RPH3AL: variants seen among roughly 807,000 people sequenced by gnomAD.
RPH3AL encodes rabphilin 3A like (without C2 domains), also known as rab effector Noc2.
In RPH3AL, 38 loss-of-function variants were observed where a neutral mutation model predicts 43.1. That is an observed-to-expected ratio of 0.88 (90% confidence interval 0.68 to 1.15). RPH3AL has a LOEUF of 1.15. Among genes scored for constraint, RPH3AL ranks in the 50% most tolerant of loss-of-function variants. The probability of loss-of-function intolerance (pLI) is 0.00; values close to 1 mark genes in which losing one functional copy is unlikely to be tolerated. For missense variants in RPH3AL, 462 were observed against 423.2 expected (o/e 1.09, Z -0.81); for synonymous variants, 189 against 176.3 (o/e 1.07, Z -0.57).
chr17:215,846 C>A lies in RPH3AL; in HGVS notation c.728-44G>T. The A allele has an allele frequency of 7.7e-7, 1 of 1,298,268 alleles. No individual in the cohort carries two copies. The highest frequency in any genetic ancestry group is 9.8e-7 in the Non-Finnish European group (1 of 1,019,018). The allele number at this position is 1,298,268 out of a possible 1,614,324, so 80.4% of individuals were successfully genotyped here. ...GGGCCCCGTGGATCTCAAACCGAGA[C>A]GGGGTGATCTCAGTCCAGTTCCTCG... is the stretch of plus-strand genomic sequence containing the variant. On this transcript the variant is annotated intron_variant, in intron 8 of 9. Coordinates refer to ENST00000331302, the MANE Select transcript of RPH3AL (RefSeq NM_006987.4). This position sits in a 1 kb window ranked among gnomAD's most constrained non-coding sequence, Gnocchi z 4.1.
intron 7 of RPH3AL, among the ~76,000 whole-genome samples, chr17:231,298 G>C (rs2041224917): frequency 6.6e-6 from 1 of 152,216 alleles, no homozygotes; most frequent in Non-Finnish European, 1.5e-5. Context: ...TGTGGTCAGA[G>C]CTTAGGTTTG....
At position 225,680 on chromosome 17, in the gene RPH3AL, T is replaced by C. The variant is rs1050326526; in HGVS notation, c.614-5944A>G. ...GTCTGCACACCGGTTTCCGCCTCTCTCTGGCAGAGATGCTTATGGGAGGTC... is the reference window on the plus strand; with the variant it reads ...GTCTGCACACCGGTTTCCGCCTCTCCCTGGCAGAGATGCTTATGGGAGGTC... On this transcript the variant is annotated intron_variant, in intron 7 of 9. Transcript: ENST00000331302. This position sits in a 1 kb window ranked among gnomAD's most constrained non-coding sequence, Gnocchi z 4.4. Among the ~76,000 whole-genome samples the C allele has an allele frequency of 6.6e-6, 1 of 152,216 alleles. No individual in the cohort carries two copies. Among genetic ancestry groups the C allele is most frequent in the Non-Finnish European group, 1.5e-5 (1 of 68,038 alleles).
intron 1 of RPH3AL, among the ~76,000 whole-genome samples, chr17:348,044 T>C (rs1331712415): frequency 6.9e-6 from 1 of 145,752 alleles, no homozygotes; most frequent in East Asian, 2.1e-4. Flanking sequence ...AAAATGAGGC[T>C]ACTCTGGGCA....
At chr17:244,849 G>A (rs2041708482) in intron 7 of RPH3AL, among the ~76,000 whole-genome samples, 2 of 152,220 alleles carry the variant, frequency 1.3e-5, no homozygotes, top group Non-Finnish European at 2.9e-5. Context: ...ATGTGTGCGT[G>A]TGGGCAACCG....
At chr17:326,019 G>T (rs1021559001) in intron 3 of RPH3AL, among the ~76,000 whole-genome samples, 5 of 152,238 alleles carry the variant, frequency 3.3e-5, no homozygotes, top group Admixed American at 6.5e-5. Flanking sequence ...AGGTCAGGGA[G>T]AGCTGAAGGG....
At chr17:234,977 A>G (rs952797001) in intron 7 of RPH3AL, among the ~76,000 whole-genome samples, 3 of 152,236 alleles carry the variant, frequency 2.0e-5, no homozygotes, top group Non-Finnish European at 2.9e-5. Context: ...ATCGGCTGGT[A>G]TAAATAGCAT....
chr17:327,506 C>T lies in RPH3AL; in HGVS notation c.38G>A (p.Trp13Ter). 6.2e-7 allele frequency: 1 copy of T among 1,613,988 alleles called. No homozygotes were observed. The highest frequency in any genetic ancestry group is 1.1e-5 in the South Asian group (1 of 91,090). Reference sequence around the variant, plus strand: ...AAGCTGCCGGTCATTGGGGCAAACCCACTGATCATTCCCGCTGCCGAAGAT... The same window carrying T: ...AAGCTGCCGGTCATTGGGGCAAACCTACTGATCATTCCCGCTGCCGAAGAT... The part of the protein sequence containing the change: ...DTIFGSGNDQ[W>*]VCPNDRQLAL... The change falls in exon 3 of 10, where the codon TGG becomes TAG. Residue 13 changes from tryptophan (W) to a stop codon, truncating the protein, a stop_gained. Transcript: ENST00000331302. LOFTEE classifies it high-confidence loss of function.
intron 5 of RPH3AL, among the ~76,000 whole-genome samples, chr17:296,236 G>C (rs2043175614): frequency 1.1e-5 from 1 of 89,206 alleles, no homozygotes; most frequent in Non-Finnish European, 2.2e-5. Flanking sequence ...TGGATGGACA[G>C]AGGGAATGCA....
chr17:280,660 C>T (rs72806016), intron 6 of RPH3AL, among the ~76,000 whole-genome samples: 7,905 of 152,230 alleles, frequency 0.052, 285 homozygotes, highest in Non-Finnish European at 0.079. Flanking sequence ...AGACAACCCA[C>T]GAAACCAATG....
At chr17:331,708 C>T (rs2044772670) in intron 2 of RPH3AL, 2 of 1,288,020 alleles carry the variant, frequency 1.6e-6, no homozygotes, top group Admixed American at 2.3e-5. Context: ...GCCCGGCACC[C>T]CCTTCACCAG....
chr17:313,065 G>C (rs540053382), intron 5 of RPH3AL, among the ~76,000 whole-genome samples: 2 of 152,278 alleles, frequency 1.3e-5, no homozygotes, highest in South Asian at 2.1e-4. Context: ...TGGACCAAGC[G>C]ACCTCTCATT....
At chr17:273,173 GCGCGGGTGACGTCAGGGAGAGACCCCA>G (rs1331889133) in intron 6 of RPH3AL, among the ~76,000 whole-genome samples, 1 of 38,818 alleles carries the variant, frequency 2.6e-5, no homozygotes, top group East Asian at 5.8e-4. Context: ...TGAGACCCCA[GCGCGGGTGACGTCAGGGAGAGACCCCA>G]GCGAGGGTGA....
At chr17:214,026 G>T in intron 9 of RPH3AL, 103 bp from the exon 10 acceptor site, 1 of 847,172 alleles carries the variant, frequency 1.2e-6, no homozygotes, top group Non-Finnish European at 1.9e-6. Flanking sequence ...AGCTGGTGGG[G>T]AAGGCAGGCT....
intron 6 of RPH3AL, among the ~76,000 whole-genome samples, chr17:257,764 T>G (rs34776790): frequency 2.2e-4 from 10 of 44,652 alleles, no homozygotes; most frequent in Non-Finnish European, 3.0e-4. Flanking sequence ...CCTAGGAATG[T>G]GACTACCCTA....
At chr17:263,202 T>C (rs898162976) in intron 6 of RPH3AL, among the ~76,000 whole-genome samples, 1 of 151,852 alleles carries the variant, frequency 6.6e-6, no homozygotes. Flanking sequence ...GGCCTCCATA[T>C]CCACAGCTCA....
intron 5 of RPH3AL, among the ~76,000 whole-genome samples, chr17:313,876 C>T (rs1480749658): frequency 6.6e-6 from 1 of 152,156 alleles, no homozygotes; most frequent in African/African-American, 2.4e-5. Context: ...AGCTGTGCTC[C>T]CCTAATACAC....
rs914386378 is a variant in RPH3AL, at chr17:289,290, G to C, written c.352-7436C>G. On this transcript the variant is annotated intron_variant, in intron 5 of 9. Coordinates refer to ENST00000331302, the MANE Select transcript of RPH3AL (RefSeq NM_006987.4). The surrounding 1 kb of genome is among the most constrained non-coding windows in gnomAD (Gnocchi z 5.2). Reference sequence around the variant, plus strand: ...GACCTTTATAGCCATGCCTGTCTCAGTGAAGGCAGCCAGCATCCATCAGTC... The same window carrying C: ...GACCTTTATAGCCATGCCTGTCTCACTGAAGGCAGCCAGCATCCATCAGTC... Among the ~76,000 whole-genome samples the C allele has an allele frequency of 6.6e-6, 1 of 152,164 alleles. No individual in the cohort carries two copies. Among genetic ancestry groups the C allele is most frequent in the Admixed American group, 6.5e-5 (1 of 15,280 alleles).
At chr17:324,318 T>G (rs776861334) in intron 3 of RPH3AL, among the ~76,000 whole-genome samples, 18 of 152,116 alleles carry the variant, frequency 1.2e-4, no homozygotes, top group Non-Finnish European at 1.9e-4. Context: ...ATCCACGTCC[T>G]CTCATCTCAC....
chr17:247,197 T>TG lies in RPH3AL; in HGVS notation c.526dup (p.His176ProfsTer18). 4 of 1,613,720 alleles carry TG rather than the reference T, an allele frequency of 2.5e-6. No homozygotes were observed. The highest frequency in any genetic ancestry group is 3.4e-6 in the Non-Finnish European group (4 of 1,179,908). ...CGGTTCCGTGGGCAAAGGTCGGAAGTGGGGGTCATCAGCTCGGCCAGGGGT... is the reference window on the plus strand; with the variant it reads ...CGGTTCCGTGGGCAAAGGTCGGAAGTGGGGGGTCATCAGCTCGGCCAGGGGT... On this transcript the variant is annotated frameshift_variant, in exon 7 of 10. Transcript: ENST00000331302. LOFTEE classifies it high-confidence loss of function.
Sources: gnomAD v4.1 joint callset for allele counts (sites outside exome capture counted in the v4.1 genomes callset) on GRCh38, gnomAD v4.1.1 for gene constraint, Gnocchi (gnomAD v3.1) non-coding constraint, MANE v1.5 for transcripts, NCBI Gene and HGNC (gene_info 2026-07-23, HGNC 2026-07-21) for gene names.